Variants in PRKN observed in about 807,000 individuals in gnomAD.
PRKN encodes E3 ubiquitin-protein ligase parkin.
Under a neutral mutation model 59.5 loss-of-function variants are expected in PRKN, and 56 were observed. That is an observed-to-expected ratio of 0.94 (90% CI 0.76 to 1.18). The LOEUF is 1.18. Among genes scored for constraint, PRKN ranks in the 50% most tolerant of loss-of-function variants. PRKN has a pLI of 0.00. For synonymous variants in PRKN, 250 were observed against 222.1 expected, an observed-to-expected ratio of 1.13 and a Z score of -1.12; for missense variants, 657 against 596.4, an observed-to-expected ratio of 1.10 and a Z score of -1.06.
At chr6:162,417,335 G>C (rs1435320359) in intron 2 of PRKN, among the ~76,000 whole-genome samples, 1 of 152,158 alleles carries the variant, frequency 6.6e-6, no homozygotes, top group African/African-American at 2.4e-5. Context: ...CGTTGACTGT[G>C]AGCTAGGGGT....
intron 9 of PRKN, among the ~76,000 whole-genome samples, chr6:161,524,112 A>G (rs1778934827): frequency 6.6e-6 from 1 of 152,186 alleles, no homozygotes; most frequent in Non-Finnish European, 1.5e-5. Context: ...TGAAAAGGCA[A>G]GAAAATAATA....
chr6:162,696,651 G>GGCTCAAGCCATCCTCCCAA (rs1424200236), intron 1 of PRKN, among the ~76,000 whole-genome samples: 27 of 144,428 alleles, frequency 1.9e-4, no homozygotes, highest in Admixed American at 1.8e-3. Flanking sequence ...TGCACTCCCA[G>GGCTCAAGCCATCCTCCCAA]GCTCAAGCCA....
In PRKN at chr6:161,665,158, T is replaced by C. The variant is rs190289688; in HGVS notation, c.872-95742A>G. Among the ~76,000 whole-genome samples the C allele has an allele frequency of 2.0e-5, 3 of 152,190 alleles. No homozygotes were observed. In the East Asian group the frequency reaches 5.8e-4, roughly 29 times the overall value. On this transcript the variant is annotated intron_variant, in intron 7 of 11. Transcript: ENST00000366898. ...TAAAAAAACCAATGAACATTCTTAT[T>C]TATCTTCTAAACCATGGGAATATTT...
At chr6:162,503,140 T>G (rs913061878) in intron 1 of PRKN, among the ~76,000 whole-genome samples, 1 of 145,862 alleles carries the variant, frequency 6.9e-6, no homozygotes. Flanking sequence ...TCATTTCTTT[T>G]TTTTTTTTTT....
intron 1 of PRKN, among the ~76,000 whole-genome samples, chr6:162,527,018 T>TA (rs56230133): frequency 0.21 from 31,843 of 151,732 alleles, 3,699 homozygotes; most frequent in East Asian, 0.49. Context: ...GAAAACAAGA[T>TA]AAAAAAATAA....
chr6:162,340,667 A>C (rs1406817317), intron 2 of PRKN, among the ~76,000 whole-genome samples: 1 of 152,210 alleles, frequency 6.6e-6, no homozygotes, highest in Non-Finnish European at 1.5e-5. Flanking sequence ...TGACAAAAAC[A>C]AGAAATGGGG....
intron 2 of PRKN, among the ~76,000 whole-genome samples, chr6:162,311,229 G>T (rs927034128): frequency 2.0e-5 from 3 of 152,088 alleles, no homozygotes; most frequent in Admixed American, 6.6e-5. Flanking sequence ...GAATAGATTT[G>T]TTAAAATATT....
At chr6:161,655,995 C>T (rs1784337041) in intron 7 of PRKN, among the ~76,000 whole-genome samples, 2 of 151,722 alleles carry the variant, frequency 1.3e-5, no homozygotes, top group South Asian at 4.2e-4. Context: ...TGAGCATCTT[C>T]CTGGCTGCTT....
chr6:161,413,381 C>T lies in PRKN; in HGVS notation c.1084-26504G>A, dbSNP rs1787681710. On this transcript the variant is annotated intron_variant, in intron 9 of 11. Coordinates refer to ENST00000366898, the MANE Select transcript of PRKN (RefSeq NM_004562.3). The surrounding 1 kb of genome is among the most constrained non-coding windows in gnomAD (Gnocchi z 4.4). The stretch of plus-strand genomic sequence containing the variant: ...AAGAAGAATTCATATACACATACTG[C>T]AGCAAAGGGAATGACAGCTGCAGCA... Among the ~76,000 whole-genome samples the T allele has an allele frequency of 1.3e-5, 2 of 152,174 alleles. No homozygotes were observed. The highest frequency in any genetic ancestry group is 1.9e-4 in the East Asian group (1 of 5,198).
At chr6:162,716,340 C>T (rs1778719463) in intron 1 of PRKN, among the ~76,000 whole-genome samples, 1 of 152,188 alleles carries the variant, frequency 6.6e-6, no homozygotes, top group Non-Finnish European at 1.5e-5. Context: ...TTCGCTCTTT[C>T]GTCCTTCTCA....
intron 11 of PRKN, 65 bp from the exon 12 acceptor site, chr6:161,350,276 C>A (rs551417154): frequency 1.8e-5 from 18 of 1,027,920 alleles, no homozygotes; most frequent in Non-Finnish European, 2.7e-5. Context: ...CACGCATTCC[C>A]AAACCAGCAC....
chr6:162,207,405 C>G (rs1784994621), intron 3 of PRKN, among the ~76,000 whole-genome samples: 1 of 152,036 alleles, frequency 6.6e-6, no homozygotes. Context: ...GGGATAACGA[C>G]CATTTCACCA....
At chr6:162,461,499 C>CAAAAAAAAAAAAAAAAA (rs780424226) in intron 1 of PRKN, among the ~76,000 whole-genome samples, 12 of 36,514 alleles carry the variant, frequency 3.3e-4, no homozygotes, top group East Asian at 1.4e-3. Context: ...TAAAGTGTCT[C>CAAAAAAAAAAAAAAAAA]AAAAAAAAAA....
intron 1 of PRKN, among the ~76,000 whole-genome samples, chr6:162,643,410 A>AT (rs1778041876): frequency 1.3e-5 from 2 of 150,442 alleles, no homozygotes; most frequent in Admixed American, 1.3e-4. Flanking sequence ...AAAAAAAAAA[A>AT]AAAAAGAAAG....
intron 1 of PRKN, among the ~76,000 whole-genome samples, chr6:162,526,131 C>T (rs1215659115): frequency 1.3e-5 from 2 of 152,150 alleles, no homozygotes. Flanking sequence ...GCATGAGCCA[C>T]TGCACCCAGC....
intron 1 of PRKN, among the ~76,000 whole-genome samples, chr6:162,552,981 C>T (rs535837998): frequency 1.7e-4 from 26 of 152,184 alleles, no homozygotes; most frequent in Admixed American, 3.3e-4. Flanking sequence ...TAAGAACAAA[C>T]GAGAGGAGCA....
intron 6 of PRKN, among the ~76,000 whole-genome samples, chr6:161,886,639 G>A (rs947984636): frequency 3.3e-5 from 5 of 151,932 alleles, no homozygotes; most frequent in Non-Finnish European, 7.4e-5. Context: ...GGAGGTTGCG[G>A]TGAGCCGAGA....
chr6:162,371,625 T>C (rs1785774981), intron 2 of PRKN, among the ~76,000 whole-genome samples: 1 of 152,210 alleles, frequency 6.6e-6, no homozygotes, highest in African/African-American at 2.4e-5. Flanking sequence ...TTATCTGGTA[T>C]ATAATAACCA....
chr6:161,523,473 T>C (rs2115364560), intron 9 of PRKN, among the ~76,000 whole-genome samples: 1 of 152,356 alleles, frequency 6.6e-6, no homozygotes, highest in African/African-American at 2.4e-5. Context: ...ACACTTGAGT[T>C]TGCTCACAGA....
Sources: gnomAD v4.1 joint callset for allele counts (sites outside exome capture counted in the v4.1 genomes callset) on GRCh38, gnomAD v4.1.1 for gene constraint, Gnocchi (gnomAD v3.1) non-coding constraint, MANE v1.5 for transcripts, NCBI Gene and HGNC (gene_info 2026-07-23, HGNC 2026-07-21) for gene names.